The following ZNF641 variants were observed in gnomAD, a reference collection of about 807,000 sequenced individuals.
ZNF641 encodes the protein zinc finger protein 641.
Under a neutral mutation model 46.2 loss-of-function variants are expected in ZNF641, and 26 were observed. The observed-to-expected ratio is 0.56, with a 90% CI of 0.41 to 0.78. ZNF641 has a LOEUF of 0.78. Among genes scored for constraint, ZNF641 ranks in the 30% least tolerant of loss-of-function variants. The pLI is 0.00. For missense variants in ZNF641, 469 were observed against 517.8 expected, an observed-to-expected ratio of 0.91 and a Z score of 0.91; for synonymous variants, 163 against 187.9, an observed-to-expected ratio of 0.87 and a Z score of 1.09.
In ZNF641 at chr12:48,341,198, A is replaced by G. The variant is rs990538205; in HGVS notation, c.*1775T>C. ...CACAGTCGCTAAACTAAATTGGTGC[A>G]ATTCACTTCCTCTTGCCTCTCTGGT... On this transcript the variant is annotated 3_prime_UTR_variant, in exon 6 of 6. Transcript: ENST00000547026. 11 of 985,440 alleles carry G rather than the reference A, an allele frequency of 1.1e-5. No homozygotes were observed. The highest frequency in any genetic ancestry group is 1.3e-5 in the Non-Finnish European group (11 of 829,930). 61.0% of individuals were successfully genotyped at this position (985,440 alleles called of 1,614,324 possible). A position where few individuals can be genotyped will look rare whatever the true frequency, so the allele number is the denominator to read the frequency against.
intron 1 of ZNF641, among the ~76,000 whole-genome samples, chr12:48,348,408 AAG>A (rs1952939461): frequency 6.6e-6 from 1 of 152,262 alleles, no homozygotes; most frequent in African/African-American, 2.4e-5. Context: ...TTTAAAAAAA[AAG>A]AACTGTCCTG....
At chr12:48,335,308 G>A (rs1952596600), downstream of ZNF641, among the ~76,000 whole-genome samples, 1 of 152,158 alleles carries the variant, frequency 6.6e-6, no homozygotes, top group South Asian at 2.1e-4. Flanking sequence ...CATGGGACAA[G>A]AACTCAGACC....
intron 1 of ZNF641, 145 bp from the exon 2 acceptor site, chr12:48,348,260 G>A: frequency 1.2e-6 from 1 of 827,850 alleles, no homozygotes; most frequent in Non-Finnish European, 1.9e-6. Context: ...AGCTTGATGT[G>A]TTCCGATCAA....
In ZNF641 at chr12:48,341,102, GTC is replaced by G. The variant is rs748776528; in HGVS notation, c.*1869_*1870del. 515 of 985,456 alleles carry G rather than the reference GTC, an allele frequency of 5.2e-4. No homozygotes were observed. The highest frequency in any genetic ancestry group is 6.1e-4 in the Non-Finnish European group (509 of 829,932). The allele number at this position is 985,456 out of a possible 1,614,324, so 61.0% of individuals were successfully genotyped here. A position where few individuals can be genotyped will look rare whatever the true frequency, so the allele number is the denominator to read the frequency against. On this transcript the variant is annotated 3_prime_UTR_variant, in exon 6 of 6. Transcript: ENST00000547026. ...CTAAGAAGCCCAGTCAGCAAAATAAGTCTATCTTCAATTCTAGTTGAGTCCAG... is the reference window on the plus strand; with the variant it reads ...CTAAGAAGCCCAGTCAGCAAAATAAGTATCTTCAATTCTAGTTGAGTCCAG...
chr12:48,348,502 C>T (rs978011760), intron 1 of ZNF641, among the ~76,000 whole-genome samples: 1 of 152,162 alleles, frequency 6.6e-6, no homozygotes. Context: ...GGAAGAAATA[C>T]ATATAGACCT....
rs1952732636 is a variant in ZNF641 at position 48,342,084 on chromosome 12, G to A, written c.*889C>T. 13 of 985,468 alleles carry A rather than the reference G, an allele frequency of 1.3e-5. No homozygotes were observed. The highest frequency in any genetic ancestry group is 1.7e-5 in the African/African-American group (1 of 57,356). 61.0% of individuals were successfully genotyped at this position (985,468 alleles called of 1,614,324 possible). ...ACAGACACATAAAGACAGTCAAGAG[G>A]AGAGAGGGGACTGTTCAAGGGGATA... On this transcript the variant is annotated 3_prime_UTR_variant, in exon 6 of 6. Coordinates refer to ENST00000547026, the MANE Select transcript of ZNF641 (RefSeq NM_001172681.2).
Position 48,338,883 on chromosome 12 carries a change from T to TTA in ZNF641, c.*4088_*4089dup. On this transcript the variant is annotated 3_prime_UTR_variant, in exon 6 of 6. Transcript: ENST00000547026. ...TCTTAAGGGCTTGGCATGGTAGGCC[T>TTA]TACTCTACCTTTGTGCTAGATGCCC... 1 of 152,330 alleles carries TTA rather than the reference T, an allele frequency of 6.6e-6. No homozygotes were observed. The highest frequency in any genetic ancestry group is 6.5e-5 in the Admixed American group (1 of 15,296). 9.4% of individuals were successfully genotyped at this position (152,330 alleles called of 1,614,324 possible). A position where few individuals can be genotyped will look rare whatever the true frequency, so the allele number is the denominator to read the frequency against.
In ZNF641 at chr12:48,337,952, G is replaced by C. The variant is rs1315978490; in HGVS notation, c.*5021C>G. 1 of 152,486 alleles carries C rather than the reference G, an allele frequency of 6.6e-6. No individual in the cohort carries two copies. Among genetic ancestry groups the C allele is most frequent in the Non-Finnish European group, 1.5e-5 (1 of 68,132 alleles). The allele number at this position is 152,486 out of a possible 1,614,324, so 9.4% of individuals were successfully genotyped here. The stretch of plus-strand genomic sequence containing the variant: ...ACCTGATTGGAAGAAGAACCTCTAG[G>C]GAATGGAGTAGAGGGGCCAGATTTG... On this transcript the variant is annotated 3_prime_UTR_variant, in exon 6 of 6. Transcript: ENST00000547026.
chr12:48,341,555 A>G lies in ZNF641; in HGVS notation c.*1418T>C. The G allele has an allele frequency of 2.0e-6, 2 of 985,464 alleles. No individual in the cohort carries two copies. The highest frequency in any genetic ancestry group is 1.2e-6 in the Non-Finnish European group (1 of 829,942). 61.0% of individuals were successfully genotyped at this position (985,464 alleles called of 1,614,324 possible). A position where few individuals can be genotyped will look rare whatever the true frequency, so the allele number is the denominator to read the frequency against. ...AAGCTAAGCCACAGCCATTTTCCCT[A>G]AAGTTCTGTTTCTGGGAGAATGAGA... On this transcript the variant is annotated 3_prime_UTR_variant, in exon 6 of 6. Coordinates refer to ENST00000547026, the MANE Select transcript of ZNF641 (RefSeq NM_001172681.2).
At position 48,343,712 on chromosome 12, in the gene ZNF641, T is replaced by C. The variant is rs756902042; in HGVS notation, c.536A>G (p.His179Arg). Residue 179 changes from histidine (H) to arginine (R), a missense_variant, in exon 6 of 6, where the codon CAT (histidine) becomes CGT (arginine). By Grantham distance (29) the His-to-Arg change is conservative. Transcript: ENST00000547026. ...RVTYTGDGSE[H>R]EGDTPELEAE... ...TTCTAGTTCAGGGGTATCCCCCTCA[T>C]GTTCACTTCCATCTCCTGCGGAGAA... 10 of 1,494,204 alleles carry C rather than the reference T, an allele frequency of 6.7e-6. No individual in the cohort carries two copies. The highest frequency in any genetic ancestry group is 2.0e-4 in the Middle Eastern group (1 of 5,106). 92.6% of individuals were successfully genotyped at this position (1,494,204 alleles called of 1,614,324 possible). A position where few individuals can be genotyped will look rare whatever the true frequency, so the allele number is the denominator to read the frequency against.
In ZNF641 at chr12:48,343,252, T is replaced by C. The variant is rs1952766829; in HGVS notation, c.996A>G (p.Lys332=). 1.2e-6 allele frequency: 2 copies of C among 1,614,200 alleles called. No individual in the cohort carries two copies. The highest frequency in any genetic ancestry group is 2.2e-5 in the East Asian group (1 of 44,880). ...CTCCAACCTCTTGGCCTTTGCAGGA[T>C]TTGCCTTCTGCATGCACTCTCTGGT... The part of the protein sequence containing the change: ...ASHQRVHAEG[K]SCKGQEVGES... Residue 332 remains lysine (K), a synonymous_variant, in exon 6 of 6, where the codon AAA becomes AAG. Transcript: ENST00000547026.
At position 48,339,936 on chromosome 12, in the gene ZNF641, G is replaced by T; in HGVS notation, c.*3037C>A. On this transcript the variant is annotated 3_prime_UTR_variant, in exon 6 of 6. Transcript: ENST00000547026. ...AAAGATACTATGTTGGGGTGGAAAG[G>T]GGAGGATACTCAGAATAGGGTGGAG... is the stretch of plus-strand genomic sequence containing the variant. 1 of 985,392 alleles carries T rather than the reference G, an allele frequency of 1.0e-6. No individual in the cohort carries two copies. The highest frequency in any genetic ancestry group is 4.7e-5 in the South Asian group (1 of 21,278). The allele number at this position is 985,392 out of a possible 1,614,324, so 61.0% of individuals were successfully genotyped here.
intron 3 of ZNF641, 24 bp from the exon 4 acceptor site, chr12:48,345,498 T>C: frequency 6.2e-7 from 1 of 1,613,584 alleles, no homozygotes; most frequent in Non-Finnish European, 8.5e-7. Flanking sequence ...TAGCATCTTC[T>C]GTCAGCAGCT....
At position 48,341,350 on chromosome 12, in the gene ZNF641, T is replaced by C; in HGVS notation, c.*1623A>G. On this transcript the variant is annotated 3_prime_UTR_variant, in exon 6 of 6. Transcript: ENST00000547026. ...CGAACTGCTCTTACATACAAGATAA[T>C]TTTTAAATTATAAGATTGGTATTAA... 1 of 985,406 alleles carries C rather than the reference T, an allele frequency of 1.0e-6. No individual in the cohort carries two copies. The highest frequency in any genetic ancestry group is 1.2e-6 in the Non-Finnish European group (1 of 829,878). 61.0% of individuals were successfully genotyped at this position (985,406 alleles called of 1,614,324 possible).
At chr12:48,351,027 A>AGGGAGGGAGGGAGGGAGAGGAGT (rs1953024772), upstream of ZNF641, 1 of 66,982 alleles carries the variant, frequency 1.5e-5, no homozygotes, top group African/African-American at 8.6e-5. Context: ...GAGGAGTGGG[A>AGGGAGGGAGGGAGGGAGAGGAGT]GGGAGGGAGG....
intron 1 of ZNF641, chr12:48,350,415 C>A (rs1233371941): frequency 2.9e-6 from 1 of 340,512 alleles, no homozygotes; most frequent in South Asian, 4.8e-5. Flanking sequence ...TGTCACAGTG[C>A]CCCTGGAAAG....
In ZNF641 at chr12:48,341,331, G is replaced by T. The variant is rs56383074; in HGVS notation, c.*1642C>A. The T allele has an allele frequency of 0.086, 84,420 of 985,246 alleles. 3,965 individuals carry two copies. The highest frequency in any genetic ancestry group is 0.096 in the Non-Finnish European group (79,283 of 829,864). The allele number at this position is 985,246 out of a possible 1,614,324, so 61.0% of individuals were successfully genotyped here. A position where few individuals can be genotyped will look rare whatever the true frequency, so the allele number is the denominator to read the frequency against. ...TCCTCTTCCTCCCTAACCCCGAACT[G>T]CTCTTACATACAAGATAATTTTTAA... On this transcript the variant is annotated 3_prime_UTR_variant, in exon 6 of 6. Coordinates refer to ENST00000547026, the MANE Select transcript of ZNF641 (RefSeq NM_001172681.2).
Position 48,337,200 on chromosome 12 carries a change from T to C in ZNF641, c.*5773A>G, listed in dbSNP as rs149360237. ...ATAAGTGACACAGCCAATACATCTTTTATTCAACTGACAGGGACCATAAGT... is the reference window on the plus strand; with the variant it reads ...ATAAGTGACACAGCCAATACATCTTCTATTCAACTGACAGGGACCATAAGT... On this transcript the variant is annotated 3_prime_UTR_variant, in exon 6 of 6. Transcript: ENST00000547026. The C allele has an allele frequency of 1.3e-5, 2 of 152,272 alleles. No homozygotes were observed. The highest frequency in any genetic ancestry group is 2.9e-5 in the Non-Finnish European group (2 of 68,056). The allele number at this position is 152,272 out of a possible 1,614,324, so 9.4% of individuals were successfully genotyped here.
Position 48,342,885 on chromosome 12 carries a change from A to T in ZNF641, c.*88T>A. 1 of 1,512,216 alleles carries T rather than the reference A, an allele frequency of 6.6e-7. No homozygotes were observed. Among genetic ancestry groups the T allele is most frequent in the South Asian group, 1.3e-5 (1 of 75,424 alleles). 93.7% of individuals were successfully genotyped at this position (1,512,216 alleles called of 1,614,324 possible). ...GGGGTCAGGGCTTATGATTCTGGCCACTGGGGTTCAGGAGAACGGCAGCCC... is the reference window on the plus strand; with the variant it reads ...GGGGTCAGGGCTTATGATTCTGGCCTCTGGGGTTCAGGAGAACGGCAGCCC... On this transcript the variant is annotated 3_prime_UTR_variant, in exon 6 of 6. Coordinates refer to ENST00000547026, the MANE Select transcript of ZNF641 (RefSeq NM_001172681.2).
Sources: allele counts gnomAD v4.1 joint callset (sites outside exome capture counted in the v4.1 genomes callset), GRCh38; gene constraint gnomAD v4.1.1; transcripts MANE v1.5; gene names NCBI Gene and HGNC (gene_info 2026-07-23, HGNC 2026-07-21).